Variants in CDYL observed in about 807,000 individuals in gnomAD.
CDYL encodes the protein chromodomain Y-like protein.
CDYL carries 8 observed loss-of-function variants against 47.3 expected under a neutral mutation model. The ratio of observed to expected loss-of-function variants is 0.17; its 90% CI spans 0.10 to 0.31. CDYL has a LOEUF of 0.31. Among genes scored for constraint, CDYL ranks in the 10% least tolerant of loss-of-function variants. CDYL has a pLI of 1.00. For synonymous variants in CDYL, 266 were observed against 265.0 expected, an observed-to-expected ratio of 1.00 and a Z score of -0.04; for missense variants, 471 against 701.4, an observed-to-expected ratio of 0.67 and a Z score of 3.71.
chr6:4,834,788 T>C (rs1581199201), intron 1 of CDYL, among the ~76,000 whole-genome samples: 1 of 152,166 alleles, frequency 6.6e-6, no homozygotes, highest in East Asian at 1.9e-4. Flanking sequence ...TATTTTTTTT[T>C]CTCTAAACTT....
chr6:4,795,587 A>G (rs1242644637), intron 1 of CDYL, among the ~76,000 whole-genome samples: 2 of 152,140 alleles, frequency 1.3e-5, no homozygotes, highest in South Asian at 2.1e-4. Context: ...TCTTGAATCA[A>G]TTATGGTTTA....
At chr6:4,830,848 G>A (rs12530218) in intron 1 of CDYL, among the ~76,000 whole-genome samples, 11 of 148,140 alleles carry the variant, frequency 7.4e-5, no homozygotes, top group Admixed American at 4.9e-4. Flanking sequence ...GTGAGAATAT[G>A]CGGTGTTTGG....
intron 1 of CDYL, among the ~76,000 whole-genome samples, chr6:4,889,194 C>T (rs899420444): frequency 1.3e-5 from 2 of 151,960 alleles, no homozygotes; most frequent in African/African-American, 4.8e-5. Context: ...GGCTGCCTGC[C>T]GGTTAACTCA....
intron 2 of CDYL, chr6:4,724,524 A>C (rs1328520075): frequency 6.6e-6 from 1 of 152,148 alleles, no homozygotes; most frequent in African/African-American, 2.4e-5. Context: ...GATGCCGCAG[A>C]CCCTCGCTCT....
intron 1 of CDYL, among the ~76,000 whole-genome samples, chr6:4,818,760 G>A (rs1279085768): frequency 1.3e-5 from 2 of 152,342 alleles, no homozygotes; most frequent in East Asian, 1.9e-4. Context: ...AGGTGTGAAA[G>A]CTGACTCTGA....
At chr6:4,938,673 T>C (rs1444378421) in intron 4 of CDYL, among the ~76,000 whole-genome samples, 1 of 152,178 alleles carries the variant, frequency 6.6e-6, no homozygotes, top group Non-Finnish European at 1.5e-5. Flanking sequence ...AATAGATGTC[T>C]TGATCTAAGC....
intron 2 of CDYL, among the ~76,000 whole-genome samples, chr6:4,911,592 T>A (rs1256812512): frequency 6.6e-6 from 1 of 152,186 alleles, no homozygotes; most frequent in African/African-American, 2.4e-5. Context: ...CTTTTGGTAT[T>A]GGTTCTAGGG....
At chr6:4,923,870 C>T (rs1410606706) in intron 2 of CDYL, among the ~76,000 whole-genome samples, 2 of 144,874 alleles carry the variant, frequency 1.4e-5, no homozygotes, top group Admixed American at 1.4e-4. Context: ...CACTGCACTC[C>T]AGCCTGGGTG....
At chr6:4,798,204 C>A (rs1245762466) in intron 1 of CDYL, among the ~76,000 whole-genome samples, 1 of 152,098 alleles carries the variant, frequency 6.6e-6, no homozygotes, top group Admixed American at 6.5e-5. Context: ...AACTCCTGGG[C>A]TCCAGCAATC....
At chr6:4,754,105 A>G (rs908741984) in intron 3 of CDYL, among the ~76,000 whole-genome samples, 9 of 152,178 alleles carry the variant, frequency 5.9e-5, no homozygotes, top group African/African-American at 2.2e-4. Flanking sequence ...ACTGCACACT[A>G]CAGTCTGGGC....
chr6:4,903,172 A>G (rs1199888648), intron 2 of CDYL, among the ~76,000 whole-genome samples: 2 of 152,030 alleles, frequency 1.3e-5, no homozygotes, highest in Admixed American at 6.5e-5. Context: ...GCACTCCTAC[A>G]CTCCTGCCGC....
intron 2 of CDYL, chr6:4,718,660 A>T (rs1030237019): frequency 3.9e-5 from 6 of 152,242 alleles, no homozygotes; most frequent in Non-Finnish European, 7.3e-5. Context: ...TATCATTTAT[A>T]GTACCAAACT....
At chr6:4,772,547 G>C (rs139820712), upstream of CDYL, among the ~76,000 whole-genome samples, 1,529 of 152,286 alleles carry the variant, frequency 0.01, 16 homozygotes, top group Non-Finnish European at 0.011. Context: ...AAATGGTTCT[G>C]TATGCTTCTT....
chr6:4,952,059 C>A (rs1454370912), intron 5 of CDYL, among the ~76,000 whole-genome samples: 4 of 152,112 alleles, frequency 2.6e-5, no homozygotes, highest in African/African-American at 9.7e-5. Context: ...AGAAAAAAAT[C>A]ATCAGCCCGA....
At chr6:4,917,637 G>T (rs1326153768) in intron 2 of CDYL, among the ~76,000 whole-genome samples, 1 of 152,212 alleles carries the variant, frequency 6.6e-6, no homozygotes, top group African/African-American at 2.4e-5. Context: ...GTCCTTTGGT[G>T]TAGTCTGCTG....
chr6:4,712,508 G>A (rs1757169627), intron 1 of CDYL, among the ~76,000 whole-genome samples: 1 of 152,198 alleles, frequency 6.6e-6, no homozygotes, highest in Admixed American at 6.5e-5. Flanking sequence ...GCAGCCCACA[G>A]CAGCCATGGC....
At chr6:4,933,497 A>G (rs116606742) in intron 2 of CDYL, among the ~76,000 whole-genome samples, 3,230 of 151,896 alleles carry the variant, frequency 0.021, 111 homozygotes, top group African/African-American at 0.074. Flanking sequence ...GGGTTGAAGA[A>G]TGATGGACAG....
chr6:4,917,962 A>G (rs1034893781), intron 2 of CDYL, among the ~76,000 whole-genome samples: 1 of 152,188 alleles, frequency 6.6e-6, no homozygotes, highest in Non-Finnish European at 1.5e-5. Flanking sequence ...TTTGAAGTAG[A>G]TGTTTGCCTG....
chr6:4,826,510 A>G (rs1402492532), intron 1 of CDYL, among the ~76,000 whole-genome samples: 2 of 151,710 alleles, frequency 1.3e-5, no homozygotes, highest in Non-Finnish European at 2.9e-5. Context: ...TCCTCTGACC[A>G]CTGCCTTCAC....
Sources: allele counts gnomAD v4.1 joint callset (sites outside exome capture counted in the v4.1 genomes callset), GRCh38; gene constraint gnomAD v4.1.1; transcripts MANE v1.5; gene names NCBI Gene and HGNC (gene_info 2026-07-23, HGNC 2026-07-21).